Variants in ZNF304 observed in about 807,000 individuals in gnomAD.
ZNF304 encodes KRAB-containing zinc finger protein.
Under a neutral mutation model 7.8 loss-of-function variants are expected in ZNF304, and 7 were observed. That is an observed-to-expected ratio of 0.90 (90% CI 0.51 to 1.69). The LOEUF (loss-of-function observed/expected upper bound fraction) is 1.69, where lower values mean the gene tolerates loss of function less well. Ranked by LOEUF, ZNF304 falls within the 40% of genes most tolerant of loss-of-function variation. The pLI, the probability that ZNF304 is intolerant of heterozygous loss-of-function variation, is 0.00. For missense variants in ZNF304, 669 were observed against 804.8 expected, an observed-to-expected ratio of 0.83 and a Z score of 2.04; for synonymous variants, 280 against 272.4, an observed-to-expected ratio of 1.03 and a Z score of -0.27.
Position 57,357,785 on chromosome 19 carries a change from G to A in ZNF304, c.1916G>A (p.Gly639Glu), listed in dbSNP as rs199580481. The A allele has an allele frequency of 6.2e-7, 1 of 1,613,792 alleles. No homozygotes were observed. Among genetic ancestry groups the A allele is most frequent in the East Asian group, 2.2e-5 (1 of 44,882 alleles). ...GTTCGTCACCAGAAAGCTCACACTG[G>A]AGAAAGAGCTCACGAGTGCAACAGT... ...HLVRHQKAHT[G>E]ERAHECNSFG... Residue 639 changes from glycine to glutamate, a missense_variant, in exon 3 of 3, where the codon GGA becomes GAA. Coordinates refer to ENST00000282286, the MANE Select transcript of ZNF304 (RefSeq NM_020657.4).
rs1190400967 is a variant in ZNF304, at chr19:57,351,783, A to G, written c.33+86A>G. 2.1e-6 allele frequency: 3 copies of G among 1,430,188 alleles called. No individual in the cohort carries two copies. The highest frequency in any genetic ancestry group is 2.9e-6 in the Non-Finnish European group (3 of 1,049,230). The allele number at this position is 1,430,188 out of a possible 1,614,324, so 88.6% of individuals were successfully genotyped here. A position where few individuals can be genotyped will look rare whatever the true frequency, so the allele number is the denominator to read the frequency against. On this transcript the variant is annotated intron_variant, in intron 1 of 2. Transcript: ENST00000282286. The surrounding 1 kb of genome is among the most constrained non-coding windows in gnomAD (Gnocchi z 4.1). Reference sequence around the variant, plus strand: ...TCTCATCGCGCACTTCAGGGTGCTCACTCCGTCGCATTATGTGGAGGGGTT... The same window carrying G: ...TCTCATCGCGCACTTCAGGGTGCTCGCTCCGTCGCATTATGTGGAGGGGTT...
At chr19:57,355,170 C>G in intron 2 of ZNF304, 1 of 698,248 alleles carries the variant, frequency 1.4e-6, no homozygotes, top group Non-Finnish European at 2.6e-6. Flanking sequence ...ACAGGGCTGT[C>G]CTGGTACATC....
rs2088270888 is a variant in ZNF304, at chr19:57,351,380, A to G, written c.-285A>G. The G allele has an allele frequency of 2.1e-6, 1 of 483,508 alleles. No homozygotes were observed. Among genetic ancestry groups the G allele is most frequent in the African/African-American group, 2.0e-5 (1 of 49,358 alleles). 30.0% of individuals were successfully genotyped at this position (483,508 alleles called of 1,614,324 possible). A position where few individuals can be genotyped will look rare whatever the true frequency, so the allele number is the denominator to read the frequency against. On this transcript the variant is annotated 5_prime_UTR_variant, in exon 1 of 3. Transcript: ENST00000282286. This position sits in a 1 kb window ranked among gnomAD's most constrained non-coding sequence, Gnocchi z 4.1. ...GGAACCTAGCAAAGAAAGACAGTGA[A>G]GACTGCAGGACCTTCCTTCGCGCTT...
At position 57,356,962 on chromosome 19, in the gene ZNF304, T is replaced by G; in HGVS notation, c.1093T>G (p.Cys365Gly). Residue 365 changes from cysteine to glycine, a missense_variant, in exon 3 of 3, where the codon TGC becomes GGC. Cys to Gly is a radical substitution (Grantham distance 159, BLOSUM62 -3). Transcript: ENST00000282286. ...TCACACAGGAGAAAGGCCTTATAAG[T>G]GCAACAAATGTGGGAAAGCCTTTAG... ...RIHTGERPYKCNKCGKAFSRK... is the reference protein window; with the variant it reads ...RIHTGERPYKGNKCGKAFSRK... The G allele has an allele frequency of 6.2e-7, 1 of 1,605,238 alleles. No homozygotes were observed.
Position 57,351,823 on chromosome 19 carries a change from A to G in ZNF304, c.33+126A>G. 3 of 1,066,576 alleles carry G rather than the reference A, an allele frequency of 2.8e-6. No homozygotes were observed. The South Asian group carries it at 4.5e-5, about 16-fold the overall frequency. The allele number at this position is 1,066,576 out of a possible 1,614,324, so 66.1% of individuals were successfully genotyped here. ...GTGGAGGGGTTCCGCTCCCCTCATC[A>G]GTGGCATAAGGTGTGGAACGGACTC... On this transcript the variant is annotated intron_variant, in intron 1 of 2. Coordinates refer to ENST00000282286, the MANE Select transcript of ZNF304 (RefSeq NM_020657.4). This position sits in a 1 kb window ranked among gnomAD's most constrained non-coding sequence, Gnocchi z 4.1.
chr19:57,357,238 G>A lies in ZNF304; in HGVS notation c.1369G>A (p.Gly457Ser), dbSNP rs867227397. 1 of 1,608,150 alleles carries A rather than the reference G, an allele frequency of 6.2e-7. No homozygotes were observed. Among genetic ancestry groups the A allele is most frequent in the Non-Finnish European group, 8.5e-7 (1 of 1,178,336 alleles). The change falls in exon 3 of 3, where the codon GGC (glycine) becomes AGC (serine). Residue 457 changes from glycine to serine, a missense_variant. By Grantham distance (56) the Gly-to-Ser change is moderately conservative. Coordinates refer to ENST00000282286, the MANE Select transcript of ZNF304 (RefSeq NM_020657.4). ...GTGCAGCAAATGTGGGAAGGCCTTT[G>A]GCTGCAAAGACACACTTGTTCAGCA... ...YVCSKCGKAF[G>S]CKDTLVQHQI...
At chr19:57,353,876 A>G (rs1423930176) in intron 2 of ZNF304, 25 bp downstream of exon 2, 1 of 1,520,596 alleles carries the variant, frequency 6.6e-7, no homozygotes, top group Non-Finnish European at 8.9e-7. Context: ...TAGTTATCTA[A>G]TGCTACATGG....
rs1309710808 is a variant in ZNF304, at chr19:57,358,240, C to CG, written c.*391_*392insG. 2 of 139,102 alleles carry CG rather than the reference C, an allele frequency of 1.4e-5. No individual in the cohort carries two copies. Among genetic ancestry groups the CG allele is most frequent in the Non-Finnish European group, 1.5e-5 (1 of 66,108 alleles). The allele number at this position is 139,102 out of a possible 1,614,324, so 8.6% of individuals were successfully genotyped here. A position where few individuals can be genotyped will look rare whatever the true frequency, so the allele number is the denominator to read the frequency against. On this transcript the variant is annotated 3_prime_UTR_variant, in exon 3 of 3. Transcript: ENST00000282286. The stretch of plus-strand genomic sequence containing the variant: ...TCATGAATATTTTCAAGGACTTCCC[C>CG]CCCCCCCCACTTCACCCCCTACCAT...
rs773577342 is a variant in ZNF304 at position 57,357,855 on chromosome 19, G to T, written c.*6G>T. ...CATCTCTTAAACTTGTTTAACACCAGAAAATTCACACAAGAGAAAGGCCTT... is the reference window on the plus strand; with the variant it reads ...CATCTCTTAAACTTGTTTAACACCATAAAATTCACACAAGAGAAAGGCCTT... On this transcript the variant is annotated 3_prime_UTR_variant, in exon 3 of 3. Coordinates refer to ENST00000282286, the MANE Select transcript of ZNF304 (RefSeq NM_020657.4). 1 of 1,579,288 alleles carries T rather than the reference G, an allele frequency of 6.3e-7. No homozygotes were observed. Among genetic ancestry groups the T allele is most frequent in the East Asian group, 2.2e-5 (1 of 44,666 alleles).
chr19:57,357,182 G>A lies in ZNF304; in HGVS notation c.1313G>A (p.Arg438Gln), dbSNP rs372529875. The change falls in exon 3 of 3, where the codon CGG (arginine) becomes CAG (glutamine). Residue 438 changes from arginine (R) to glutamine (Q), a missense_variant. Coordinates refer to ENST00000282286, the MANE Select transcript of ZNF304 (RefSeq NM_020657.4). ...CATAACTCTAGCCTCATTAAACATC[G>A]GAGAGTCCACACAGGAGCAAGATCC... is the stretch of plus-strand genomic sequence containing the variant. ...FSHNSSLIKH[R>Q]RVHTGARSYV... 1.4e-5 allele frequency: 23 copies of A among 1,613,404 alleles called. No homozygotes were observed. In the African/African-American group the frequency reaches 2.0e-4, roughly 14 times the overall value.
chr19:57,359,414 G>A lies in ZNF304; in HGVS notation c.*1565G>A, dbSNP rs911175868. On this transcript the variant is annotated 3_prime_UTR_variant, in exon 3 of 3. Transcript: ENST00000282286. ...CTTTCCTAGTGGAACAGTATATATA[G>A]ATTTTAATGAGGAACATTTATTTAA... 9 of 152,220 alleles carry A rather than the reference G, an allele frequency of 5.9e-5. No individual in the cohort carries two copies. The highest frequency in any genetic ancestry group is 4.4e-5 in the Non-Finnish European group (3 of 68,044). The allele number at this position is 152,220 out of a possible 1,614,324, so 9.4% of individuals were successfully genotyped here. A position where few individuals can be genotyped will look rare whatever the true frequency, so the allele number is the denominator to read the frequency against.
In ZNF304 at chr19:57,355,486, A is replaced by G. The variant is rs747933107; in HGVS notation, c.161-544A>G. 1.0e-5 allele frequency: 7 copies of G among 674,912 alleles called. No individual in the cohort carries two copies. In the East Asian group the frequency reaches 1.5e-4, roughly 14 times the overall value. 41.8% of individuals were successfully genotyped at this position (674,912 alleles called of 1,614,324 possible). A position where few individuals can be genotyped will look rare whatever the true frequency, so the allele number is the denominator to read the frequency against. ...TGTCAGTGTTTTGTTGCCAAGGCCC[A>G]TAGTGATTCTTCACATCTACTTTAC... is the stretch of plus-strand genomic sequence containing the variant. On this transcript the variant is annotated intron_variant, in intron 2 of 2. Coordinates refer to ENST00000282286, the MANE Select transcript of ZNF304 (RefSeq NM_020657.4).
rs2088303030 is a variant in ZNF304 at position 57,353,742 on chromosome 19, G to A, written c.51G>A (p.Glu17=). 6.2e-7 allele frequency: 1 copy of A among 1,612,686 alleles called. No individual in the cohort carries two copies. The highest frequency in any genetic ancestry group is 1.3e-5 in the African/African-American group (1 of 74,834). ...MDRVQSCVTF[E]DVFVYFSREE... is the part of the protein sequence containing the mutation. ...CATGGCAGAGTTGTGTGACCTTCGA[G>A]GATGTGTTCGTGTACTTCTCTCGGG... The change falls in exon 2 of 3, where the codon GAG becomes GAA. Residue 17 remains glutamate (E), a synonymous_variant. Coordinates refer to ENST00000282286, the MANE Select transcript of ZNF304 (RefSeq NM_020657.4).
chr19:57,352,764 T>C (rs1411960353), intron 1 of ZNF304: 1 of 152,364 alleles, frequency 6.6e-6, no homozygotes, highest in East Asian at 1.9e-4. Flanking sequence ...TTTTCTGTTT[T>C]TTAAAGTAGG....
chr19:57,355,427 G>T, intron 2 of ZNF304: 2 of 747,544 alleles, frequency 2.7e-6, no homozygotes, highest in South Asian at 2.8e-5. Flanking sequence ...TGTTATGGTT[G>T]GGTTCAAATC....
Position 57,357,752 on chromosome 19 carries a change from C to T in ZNF304, c.1883C>T (p.Ser628Phe). The change falls in exon 3 of 3, where the codon TCC becomes TTC. Residue 628 changes from serine to phenylalanine, a missense_variant. Physicochemically the swap from Ser to Phe is radical, Grantham distance 155. Transcript: ENST00000282286. ...SECGKAYSRS[S>F]HLVRHQKAHT... ...TGTGGGAAAGCCTATAGCAGAAGCT[C>T]CCATCTTGTTCGTCACCAGAAAGCT... 1 of 1,614,204 alleles carries T rather than the reference C, an allele frequency of 6.2e-7. No homozygotes were observed. The highest frequency in any genetic ancestry group is 8.5e-7 in the Non-Finnish European group (1 of 1,180,034).
chr19:57,351,463 C>A lies in ZNF304; in HGVS notation c.-202C>A. The A allele has an allele frequency of 3.3e-6, 2 of 608,312 alleles. No individual in the cohort carries two copies. Among genetic ancestry groups the A allele is most frequent in the South Asian group, 2.0e-5 (1 of 50,812 alleles). 37.7% of individuals were successfully genotyped at this position (608,312 alleles called of 1,614,324 possible). A position where few individuals can be genotyped will look rare whatever the true frequency, so the allele number is the denominator to read the frequency against. ...GGCGGCCTCTCGCGGAGGTGTCTGC[C>A]GGGGCTGGGCTCTTACCGAGGCCTC... On this transcript the variant is annotated 5_prime_UTR_variant, in exon 1 of 3. Transcript: ENST00000282286. This position sits in a 1 kb window ranked among gnomAD's most constrained non-coding sequence, Gnocchi z 4.1.
At chr19:57,354,913 T>C (rs2122980559) in intron 2 of ZNF304, among the ~76,000 whole-genome samples, 1 of 152,314 alleles carries the variant, frequency 6.6e-6, no homozygotes, top group East Asian at 1.9e-4. Flanking sequence ...GTGTTCAGTG[T>C]TTCTGCCTTC....
chr19:57,357,451 G>T lies in ZNF304; in HGVS notation c.1582G>T (p.Ala528Ser). ...LIVHQRIHTGAKPYECNECGK... is the reference protein window; with the variant it reads ...LIVHQRIHTGSKPYECNECGK... ...TGTACACCAGAGAATTCACACTGGAGCAAAGCCTTATGAGTGCAATGAATG... is the reference window on the plus strand; with the variant it reads ...TGTACACCAGAGAATTCACACTGGATCAAAGCCTTATGAGTGCAATGAATG... Residue 528 changes from alanine to serine, a missense_variant, in exon 3 of 3, where the codon GCA (alanine) becomes TCA (serine). By Grantham distance (99) the Ala-to-Ser change is moderately conservative (BLOSUM62 1). Coordinates refer to ENST00000282286, the MANE Select transcript of ZNF304 (RefSeq NM_020657.4). 4.3e-6 allele frequency: 7 copies of T among 1,614,196 alleles called. No homozygotes were observed. The highest frequency in any genetic ancestry group is 5.1e-6 in the Non-Finnish European group (6 of 1,180,026).
Sources: allele counts gnomAD v4.1 joint callset (sites outside exome capture counted in the v4.1 genomes callset), GRCh38; gene constraint gnomAD v4.1.1; non-coding constraint Gnocchi (gnomAD v3.1); transcripts MANE v1.5; gene names NCBI Gene and HGNC (gene_info 2026-07-23, HGNC 2026-07-21).